Variants in KAT6B observed in about 807,000 individuals in gnomAD.
The protein encoded by KAT6B is lysine acetyltransferase 6B.
A neutral mutation model predicts 187.5 loss-of-function variants in KAT6B; 10 were observed. The observed-to-expected ratio is 0.05, with a 90% CI of 0.03 to 0.09. The LOEUF (loss-of-function observed/expected upper bound fraction) is 0.09, where lower values mean the gene tolerates loss of function less well. Among genes scored for constraint, KAT6B ranks in the 10% least tolerant of loss-of-function variants. The probability of loss-of-function intolerance (pLI) is 1.00; values close to 1 mark genes in which losing one functional copy is unlikely to be tolerated. For synonymous variants in KAT6B, 861 were observed against 926.8 expected, an observed-to-expected ratio of 0.93 and a Z score of 1.29; for missense variants, 1,952 against 2,558.9, an observed-to-expected ratio of 0.76 and a Z score of 5.12.
chr10:74,968,403 G>A (rs1411147454), intron 4 of KAT6B, among the ~76,000 whole-genome samples: 1 of 151,588 alleles, frequency 6.6e-6, no homozygotes, highest in African/African-American at 2.4e-5. Flanking sequence ...TTTTAACTCA[G>A]GAATAGTGTG....
intron 3 of KAT6B, among the ~76,000 whole-genome samples, chr10:74,947,846 G>A (rs1840057975): frequency 6.6e-6 from 1 of 152,212 alleles, no homozygotes; most frequent in African/African-American, 2.4e-5. Flanking sequence ...GCAGGGAGGG[G>A]CTTTGGTTTT....
chr10:74,858,816 A>T (rs1321970516), intron 3 of KAT6B, among the ~76,000 whole-genome samples: 1 of 151,818 alleles, frequency 6.6e-6, no homozygotes, highest in Non-Finnish European at 1.5e-5. Context: ...TTAGCTGGGC[A>T]TGGTGGCTCA....
chr10:74,854,472 T>G (rs1201969309), intron 3 of KAT6B, among the ~76,000 whole-genome samples: 1 of 150,206 alleles, frequency 6.7e-6, no homozygotes, highest in African/African-American at 2.4e-5. Context: ...GTTTTTTCTG[T>G]TTTTTTTTAA....
At chr10:74,912,904 T>C (rs2132943076) in intron 3 of KAT6B, among the ~76,000 whole-genome samples, 1 of 152,344 alleles carries the variant, frequency 6.6e-6, no homozygotes, top group South Asian at 2.1e-4. Context: ...AGCCAGCAGC[T>C]GGAGCAGCTG....
At position 74,855,764 on chromosome 10, in the gene KAT6B, G is replaced by C. The variant is rs1183563454; in HGVS notation, c.621+12286G>C. On this transcript the variant is annotated intron_variant, in intron 3 of 17. Transcript: ENST00000287239. ...TTAGAGTATTTCATAAATATTAAAA[G>C]AGTAGTACAGTAAACACTCTATTTC... Among the ~76,000 whole-genome samples, 5 of 152,124 alleles carry C rather than the reference G, an allele frequency of 3.3e-5. No homozygotes were observed. The East Asian group carries it at 7.7e-4, about 23-fold the overall frequency.
rs750020725 is a variant in KAT6B, at chr10:74,843,367, G to A, written c.510G>A (p.Pro170=). The A allele has an allele frequency of 2.3e-5, 37 of 1,613,416 alleles. 1 individual carries two copies. In the Admixed American group the frequency reaches 4.0e-4, roughly 17 times the overall value. The change falls in exon 3 of 18, where the codon CCG becomes CCA. Residue 170 remains proline, a synonymous_variant. Transcript: ENST00000287239. ...VNNGRLLKDG[P]QYRVNYGSLD... The stretch of plus-strand genomic sequence containing the variant: ...ATGGGAGGTTACTGAAAGACGGACC[G>A]CAGTACAGGGTCAATTATGGGAGCT...
At chr10:74,948,411 T>C (rs1345970663) in intron 3 of KAT6B, among the ~76,000 whole-genome samples, 1 of 152,224 alleles carries the variant, frequency 6.6e-6, no homozygotes, top group East Asian at 1.9e-4. Context: ...GGTGATAATA[T>C]TATTGAGAAA....
rs776291985 is a variant in KAT6B, at chr10:74,898,997, C to CAAAAAAAAA, written c.621+55526_621+55534dup. On this transcript the variant is annotated intron_variant, in intron 3 of 17. Coordinates refer to ENST00000287239, the MANE Select transcript of KAT6B (RefSeq NM_012330.4). The stretch of plus-strand genomic sequence containing the variant: ...GAAACCCCCGTCTGTACTAAAAATA[C>CAAAAAAAAA]AAAAAAAAAAAAAAATAGCCGAGCA... Among the ~76,000 whole-genome samples the CAAAAAAAAA allele has an allele frequency of 1.0e-3, 108 of 108,064 alleles. 2 individuals are homozygous for CAAAAAAAAA. Among genetic ancestry groups the CAAAAAAAAA allele is most frequent in the African/African-American group, 3.5e-3 (88 of 25,436 alleles). The allele number at this position is 108,064 out of a possible 152,430, so 70.9% of individuals were successfully genotyped here.
intron 3 of KAT6B, among the ~76,000 whole-genome samples, chr10:74,859,835 C>A (rs1301325754): frequency 6.6e-6 from 1 of 152,114 alleles, no homozygotes; most frequent in African/African-American, 2.4e-5. Context: ...TAAAATCACC[C>A]CTTTGTTGGA....
At chr10:74,950,692 CAAAA>C (rs1264899162) in intron 3 of KAT6B, among the ~76,000 whole-genome samples, 1 of 151,982 alleles carries the variant, frequency 6.6e-6, no homozygotes, top group Non-Finnish European at 1.5e-5. Flanking sequence ...AAGTAGCAAA[CAAAA>C]AAACCTTAGT....
At chr10:74,959,525 T>C (rs1277836982) in intron 3 of KAT6B, among the ~76,000 whole-genome samples, 1 of 152,184 alleles carries the variant, frequency 6.6e-6, no homozygotes, top group Non-Finnish European at 1.5e-5. Flanking sequence ...TGTCAAATAA[T>C]TTAAGAGATT....
intron 4 of KAT6B, among the ~76,000 whole-genome samples, chr10:74,960,954 G>T (rs879031557): frequency 6.6e-6 from 1 of 152,300 alleles, no homozygotes; most frequent in Admixed American, 6.5e-5. Context: ...AATGTTTCAT[G>T]CTGAGGAATG....
At chr10:74,846,426 A>G (rs1299103631) in intron 3 of KAT6B, among the ~76,000 whole-genome samples, 2 of 151,986 alleles carry the variant, frequency 1.3e-5, no homozygotes, top group Non-Finnish European at 2.9e-5. Context: ...ATATGTATAT[A>G]TATATTTTTG....
intron 3 of KAT6B, among the ~76,000 whole-genome samples, chr10:74,911,960 C>T (rs1175565727): frequency 6.6e-6 from 1 of 152,110 alleles, no homozygotes; most frequent in Admixed American, 6.5e-5. Flanking sequence ...CGTATGCCAC[C>T]ATGCCCACCT....
intron 4 of KAT6B, among the ~76,000 whole-genome samples, chr10:74,968,428 A>G (rs1254689155): frequency 6.6e-6 from 1 of 151,406 alleles, no homozygotes; most frequent in Non-Finnish European, 1.5e-5. Flanking sequence ...TATTAACGGT[A>G]TTGGTGATTG....
chr10:74,893,693 C>T (rs550376904), intron 3 of KAT6B, among the ~76,000 whole-genome samples: 20 of 152,190 alleles, frequency 1.3e-4, no homozygotes, highest in South Asian at 6.2e-4. Context: ...TAGTCTTGAA[C>T]TCCCGATCTC....
At chr10:74,847,115 G>C (rs1842163586) in intron 3 of KAT6B, among the ~76,000 whole-genome samples, 1 of 152,148 alleles carries the variant, frequency 6.6e-6, no homozygotes, top group South Asian at 2.1e-4. Context: ...GTCTGAAAGT[G>C]TCTAGGATTG....
At chr10:74,942,616 T>G (rs1849754191) in intron 3 of KAT6B, among the ~76,000 whole-genome samples, 1 of 151,494 alleles carries the variant, frequency 6.6e-6, no homozygotes, top group Non-Finnish European at 1.5e-5. Flanking sequence ...AAGTACAAAA[T>G]TAGCTGGGCA....
intron 2 of KAT6B, 87 bp from the exon 3 acceptor site, chr10:74,842,513 G>T (rs528448890): frequency 1.9e-6 from 1 of 528,376 alleles, no homozygotes; most frequent in Non-Finnish European, 3.3e-6. Flanking sequence ...GTCATTCTGT[G>T]TCTGAAAAAG....
Sources: gnomAD v4.1 joint callset for allele counts (sites outside exome capture counted in the v4.1 genomes callset) on GRCh38, gnomAD v4.1.1 for gene constraint, MANE v1.5 for transcripts, NCBI Gene and HGNC (gene_info 2026-07-23, HGNC 2026-07-21) for gene names.